The following C12orf56 variants were observed in gnomAD, a reference collection of about 807,000 sequenced individuals.
The protein encoded by C12orf56 is chromosome 12 open reading frame 56.
Under a neutral mutation model 69.9 loss-of-function variants are expected in C12orf56, and 71 were observed. That is an observed-to-expected ratio of 1.02 (90% CI 0.84 to 1.24). The LOEUF (loss-of-function observed/expected upper bound fraction) is 1.24. Ranked by LOEUF, C12orf56 falls within the 50% of genes most tolerant of loss-of-function variation. The pLI is 0.00. For synonymous variants in C12orf56, 276 were observed against 274.1 expected, an observed-to-expected ratio of 1.01 and a Z score of -0.07; for missense variants, 732 against 738.5, an observed-to-expected ratio of 0.99 and a Z score of 0.10.
chr12:64,350,661 A>G (rs776424000), intron 2 of C12orf56, among the ~76,000 whole-genome samples: 85 of 152,176 alleles, frequency 5.6e-4, no homozygotes, highest in Non-Finnish European at 1.0e-3. Flanking sequence ...TGGGACCTCA[A>G]AAGGAGAGGA....
At chr12:64,274,826 T>C (rs533590629) in intron 11 of C12orf56, 75 bp downstream of exon 11, 2 of 1,154,088 alleles carry the variant, frequency 1.7e-6, no homozygotes, top group East Asian at 5.0e-5. Context: ...AAAATCTGTG[T>C]TTTATTAATT....
chr12:64,328,293 T>A (rs1345231988), intron 3 of C12orf56, among the ~76,000 whole-genome samples: 1 of 152,016 alleles, frequency 6.6e-6, no homozygotes, highest in Non-Finnish European at 1.5e-5. Flanking sequence ...TTCATATTAA[T>A]TTTCCCTATG....
chr12:64,298,689 G>T (rs1399109840), intron 6 of C12orf56, among the ~76,000 whole-genome samples: 1 of 152,174 alleles, frequency 6.6e-6, no homozygotes, highest in Non-Finnish European at 1.5e-5. Context: ...TCAGATGGTT[G>T]TAGATGTGTG....
At chr12:64,311,444 A>G (rs1592442417) in intron 5 of C12orf56, among the ~76,000 whole-genome samples, 1 of 152,090 alleles carries the variant, frequency 6.6e-6, no homozygotes, top group Non-Finnish European at 1.5e-5. Flanking sequence ...AAAGAAAAAA[A>G]AAGTGTGAAC....
intron 5 of C12orf56, among the ~76,000 whole-genome samples, chr12:64,309,202 T>C (rs1246384690): frequency 6.6e-6 from 1 of 152,238 alleles, no homozygotes; most frequent in East Asian, 1.9e-4. Flanking sequence ...TAATTCACAA[T>C]GTTCTACAAG....
intron 4 of C12orf56, 73 bp downstream of exon 4, chr12:64,318,502 G>A: frequency 1.5e-6 from 2 of 1,295,766 alleles, no homozygotes; most frequent in Non-Finnish European, 1.0e-6. Context: ...GTAAAGGAGG[G>A]AGGAGGGCTT....
chr12:64,326,493 A>G (rs1592455531), intron 3 of C12orf56, among the ~76,000 whole-genome samples: 1 of 152,162 alleles, frequency 6.6e-6, no homozygotes, highest in African/African-American at 2.4e-5. Context: ...ACTTGGGACC[A>G]CCGCCAGCCG....
chr12:64,323,978 A>G (rs896885530), intron 3 of C12orf56, among the ~76,000 whole-genome samples: 3 of 152,228 alleles, frequency 2.0e-5, no homozygotes, highest in African/African-American at 7.2e-5. Context: ...CCTTCCAATT[A>G]CAAAGACCAT....
intron 2 of C12orf56, among the ~76,000 whole-genome samples, chr12:64,346,050 T>C (rs1179754896): frequency 6.6e-6 from 1 of 152,148 alleles, no homozygotes; most frequent in African/African-American, 2.4e-5. Flanking sequence ...ATTCAGTTCC[T>C]CTAGAACCAC....
intron 2 of C12orf56, among the ~76,000 whole-genome samples, chr12:64,334,962 C>A (rs938841347): frequency 6.6e-6 from 1 of 152,166 alleles, no homozygotes; most frequent in African/African-American, 2.4e-5. Flanking sequence ...GCACTAGCCA[C>A]GTTTGAAAAG....
chr12:64,388,564 GT>G (rs1428605461), intron 1 of C12orf56, among the ~76,000 whole-genome samples: 6 of 152,182 alleles, frequency 3.9e-5, no homozygotes, highest in Non-Finnish European at 8.8e-5. Context: ...AAAACACTTA[GT>G]AAAGGAAATT....
chr12:64,353,410 G>C (rs2039261480), intron 1 of C12orf56, among the ~76,000 whole-genome samples: 1 of 151,982 alleles, frequency 6.6e-6, no homozygotes. Context: ...GCCCACCTCG[G>C]CCTCCCACAG....
chr12:64,274,816 A>G (rs2038029475), intron 11 of C12orf56, 85 bp downstream of exon 11: 1 of 1,064,070 alleles, frequency 9.4e-7, no homozygotes, highest in South Asian at 1.8e-5. Context: ...CATCACAGGG[A>G]AAATCTGTGT....
intron 1 of C12orf56, among the ~76,000 whole-genome samples, chr12:64,365,970 A>C (rs1274057080): frequency 7.7e-6 from 1 of 129,858 alleles, no homozygotes; most frequent in Non-Finnish European, 1.5e-5. Context: ...TAGTGTATAT[A>C]ATATATAGCT....
At chr12:64,297,404 T>TA (rs367628341) in intron 6 of C12orf56, among the ~76,000 whole-genome samples, 8 of 151,718 alleles carry the variant, frequency 5.3e-5, no homozygotes, top group East Asian at 3.9e-4. Flanking sequence ...TTCTTTTTTT[T>TA]ATTATACTTT....
rs761485740 is a variant in C12orf56, at chr12:64,286,038, A to G, written c.1136T>C (p.Ile379Thr). ...CAAGTACTCATGAAGTTTGTTTACT[A>G]TGAAATAGAAAAGGTCACTGGTCTG... is the stretch of plus-strand genomic sequence containing the variant. ...FWKTSDLFYF[I>T]VNKLHEYLPE... The change falls in exon 7 of 13, where the codon ATA becomes ACA. Residue 379 changes from isoleucine (I) to threonine (T), a missense_variant. Coordinates refer to ENST00000543942, the MANE Select transcript of C12orf56 (RefSeq NM_001170633.2). The G allele has an allele frequency of 6.8e-6, 11 of 1,606,020 alleles. No individual in the cohort carries two copies. The highest frequency in any genetic ancestry group is 3.4e-5 in the Admixed American group (2 of 59,068).
Position 64,266,239 on chromosome 12 carries a change from AC to A in C12orf56, c.*943del, listed in dbSNP as rs1393140393. 1.3e-5 allele frequency: 2 copies of A among 152,230 alleles called. No homozygotes were observed. Among genetic ancestry groups the A allele is most frequent in the Non-Finnish European group, 2.9e-5 (2 of 68,084 alleles). 9.4% of individuals were successfully genotyped at this position (152,230 alleles called of 1,614,324 possible). On this transcript the variant is annotated 3_prime_UTR_variant, in exon 13 of 13. Transcript: ENST00000543942. ...GCTTCACACCACTCACCATTATTAC[AC>A]CAGTGAAACTCACCAGATTATATTT...
intron 1 of C12orf56, among the ~76,000 whole-genome samples, chr12:64,367,518 T>C (rs1287964711): frequency 6.6e-6 from 1 of 151,208 alleles, no homozygotes; most frequent in East Asian, 1.9e-4. Context: ...ACTCTTTTTT[T>C]TTTTTGAGAC....
chr12:64,303,341 A>G (rs960512128), intron 6 of C12orf56, among the ~76,000 whole-genome samples: 2 of 149,150 alleles, frequency 1.3e-5, no homozygotes, highest in African/African-American at 2.5e-5. Context: ...TATATCTTGT[A>G]TGCCAAAAAT....
Sources: allele counts gnomAD v4.1 joint callset (sites outside exome capture counted in the v4.1 genomes callset), GRCh38; gene constraint gnomAD v4.1.1; transcripts MANE v1.5; gene names NCBI Gene and HGNC (gene_info 2026-07-23, HGNC 2026-07-21).